The following PDGFA variants were observed in gnomAD, a reference collection of about 807,000 sequenced individuals.
The protein encoded by PDGFA is platelet-derived growth factor subunit A.
PDGFA carries 9 observed loss-of-function variants against 25.6 expected under a neutral mutation model. The observed-to-expected ratio is 0.35, with a 90% CI of 0.21 to 0.61. PDGFA has a LOEUF of 0.61. Ranked by LOEUF, PDGFA falls within the 20% of genes least tolerant of loss-of-function variation. The probability of loss-of-function intolerance (pLI) is 0.75; values close to 1 mark genes in which losing one functional copy is unlikely to be tolerated. For synonymous variants in PDGFA, 133 were observed against 111.8 expected, an observed-to-expected ratio of 1.19 and a Z score of -1.20; for missense variants, 242 against 272.8, an observed-to-expected ratio of 0.89 and a Z score of 0.79.
chr7:503,868 G>A (rs1365415274), intron 4 of PDGFA, among the ~76,000 whole-genome samples: 1 of 152,146 alleles, frequency 6.6e-6, no homozygotes, highest in Admixed American at 6.5e-5. Context: ...GGGAGGTTTC[G>A]CTACGTCACA....
At chr7:519,006 T>A in exon 1 of PDGFA, 1 of 1,529,536 alleles carries the variant, frequency 6.5e-7, no homozygotes, top group Non-Finnish European at 8.8e-7. Flanking sequence ...CCTCATCGCG[T>A]CCCGAGGCGC....
At chr7:499,445 C>G (rs1396109423) in intron 5 of PDGFA, among the ~76,000 whole-genome samples, 2 of 152,206 alleles carry the variant, frequency 1.3e-5, no homozygotes, top group Non-Finnish European at 2.9e-5. Context: ...TTTTGGCCAC[C>G]ATGGAGTCCC....
intron 2 of PDGFA, among the ~76,000 whole-genome samples, chr7:516,003 C>CA (rs1199805095): frequency 8.8e-6 from 1 of 113,762 alleles, no homozygotes; most frequent in Non-Finnish European, 1.8e-5. Flanking sequence ...CTAGCACCCC[C>CA]CCCCAGAAAA....
intron 4 of PDGFA, among the ~76,000 whole-genome samples, chr7:502,992 C>T (rs541507323): frequency 3.5e-4 from 54 of 152,212 alleles, no homozygotes; most frequent in Admixed American, 1.4e-3. Context: ...AGCACGCACA[C>T]GCCTGGCATC....
At chr7:516,614 T>C (rs890399261) in intron 2 of PDGFA, among the ~76,000 whole-genome samples, 4 of 152,218 alleles carry the variant, frequency 2.6e-5, no homozygotes, top group African/African-American at 9.6e-5. Flanking sequence ...GAAGGGGCTC[T>C]CTAGCCCTGA....
rs186212773 is a variant in PDGFA at position 512,540 on chromosome 7, G to C, written c.161-85C>G. 554 of 1,597,232 alleles carry C rather than the reference G, an allele frequency of 3.5e-4. 1 individual carries two copies. Among genetic ancestry groups the C allele is most frequent in the South Asian group, 2.4e-3 (218 of 89,516 alleles). ...GTCCAGCCGCACTTCCCACAGACCA[G>C]CTTTGGGAGCCACTGGGGAACAGGC... On this transcript the variant is annotated intron_variant, in intron 2 of 5. Coordinates refer to ENST00000402802, the Ensembl canonical transcript of PDGFA.
At chr7:513,828 G>C (rs1166234769) in intron 2 of PDGFA, among the ~76,000 whole-genome samples, 1 of 152,202 alleles carries the variant, frequency 6.6e-6, no homozygotes, top group Non-Finnish European at 1.5e-5. Flanking sequence ...AAGGTGTCAG[G>C]CAAAGACGAA....
In PDGFA at chr7:504,714, C is replaced by T. The variant is rs545571704; in HGVS notation, c.454-3472G>A. Among the ~76,000 whole-genome samples, 21 of 152,356 alleles carry T rather than the reference C, an allele frequency of 1.4e-4. No homozygotes were observed. The East Asian group carries it at 3.3e-3, about 24-fold the overall frequency. On this transcript the variant is annotated intron_variant, in intron 4 of 5. Transcript: ENST00000402802. ...GCAGGGCGCCCTGTTCTGCTCCCGG[C>T]CCTGACCCTCCGGATGGCACAGCCT...
chr7:502,465 C>T (rs958968432), intron 4 of PDGFA, among the ~76,000 whole-genome samples: 127 of 152,206 alleles, frequency 8.3e-4, no homozygotes, highest in African/African-American at 3.0e-3. Flanking sequence ...CCTCGGAAAC[C>T]AGGGCCAGGG....
chr7:508,935 C>A (rs1326458055), intron 4 of PDGFA, among the ~76,000 whole-genome samples: 1 of 152,282 alleles, frequency 6.6e-6, no homozygotes, highest in African/African-American at 2.4e-5. Flanking sequence ...AGCCTCGGCT[C>A]TCCCAGAAGG....
Position 511,004 on chromosome 7 carries a change from G to GGCGGGGGCACAGTGA in PDGFA, c.266-23_266-9dup. On this transcript the variant is annotated splice_polypyrimidine_tract_variant and intron_variant, in intron 3 of 5. Transcript: ENST00000402802. Reference sequence around the variant, plus strand: ...CAGCGGGGACAGCTTCCTCTGCAACGGCGGGGGCACAGTGAGCGGGGACCG... The same window carrying GGCGGGGGCACAGTGA: ...CAGCGGGGACAGCTTCCTCTGCAACGGCGGGGGCACAGTGAGCGGGGGCACAGTGAGCGGGGACCG... The GGCGGGGGCACAGTGA allele has an allele frequency of 6.2e-7, 1 of 1,609,738 alleles. No homozygotes were observed. The highest frequency in any genetic ancestry group is 8.5e-7 in the Non-Finnish European group (1 of 1,177,746).
intron 2 of PDGFA, chr7:512,673 G>T (rs561462363): frequency 2.7e-6 from 4 of 1,486,366 alleles, no homozygotes; most frequent in South Asian, 1.3e-5. Context: ...ACTGGAAACC[G>T]CAGAAAACGC....
At chr7:518,568 C>T in intron 1 of PDGFA, 1 of 219,830 alleles carries the variant, frequency 4.5e-6, no homozygotes, top group Non-Finnish European at 8.9e-6. Flanking sequence ...ATCCGCCGCC[C>T]TTCTCTCCTC....
At position 517,167 on chromosome 7, in the gene PDGFA, G is replaced by A. The variant is rs1783144295; in HGVS notation, c.160+227C>T. ...TGACACACGCGGCGTTTTCCTTAAA[G>A]GCGAAAACAATCCCGGGGCGAGCGA... On this transcript the variant is annotated intron_variant, in intron 2 of 5. Coordinates refer to ENST00000402802, the Ensembl canonical transcript of PDGFA. This position sits in a 1 kb window ranked among gnomAD's most constrained non-coding sequence, Gnocchi z 7.4. 6.6e-6 allele frequency among the ~76,000 whole-genome samples: 1 copy of A among 151,758 alleles called. No individual in the cohort carries two copies.
intron 2 of PDGFA, among the ~76,000 whole-genome samples, chr7:515,650 G>C (rs1342249092): frequency 6.6e-6 from 1 of 152,138 alleles, no homozygotes; most frequent in African/African-American, 2.4e-5. Flanking sequence ...AACCTCTCAC[G>C]GACACAGGAG....
exon 6 of PDGFA, chr7:498,474 C>T (rs1782193286): frequency 7.9e-7 from 1 of 1,266,154 alleles, no homozygotes; most frequent in Non-Finnish European, 1.1e-6. Flanking sequence ...ACAAAGACCG[C>T]ACACTGGCAA....
chr7:512,513 C>T (rs1215255309), intron 2 of PDGFA, 58 bp from the exon 3 acceptor site: 1 of 1,610,116 alleles, frequency 6.2e-7, no homozygotes, highest in African/African-American at 1.3e-5. Flanking sequence ...TGCCCTGGGC[C>T]TGTCCAGCCG....
At chr7:506,346 G>A (rs545465431) in intron 4 of PDGFA, among the ~76,000 whole-genome samples, 1 of 152,156 alleles carries the variant, frequency 6.6e-6, no homozygotes, top group East Asian at 1.9e-4. Context: ...AAGAATGGAA[G>A]CAATGCCCAG....
intron 4 of PDGFA, among the ~76,000 whole-genome samples, chr7:510,254 C>T (rs1782739909): frequency 6.6e-6 from 1 of 152,062 alleles, no homozygotes; most frequent in South Asian, 2.1e-4. Context: ...GCCTTTCCCG[C>T]ACCCCCAGGT....
Sources: allele counts gnomAD v4.1 joint callset (sites outside exome capture counted in the v4.1 genomes callset), GRCh38; gene constraint gnomAD v4.1.1; non-coding constraint Gnocchi (gnomAD v3.1); transcripts MANE v1.5; gene names NCBI Gene and HGNC (gene_info 2026-07-23, HGNC 2026-07-21).